The following GALNT9 variants were observed in gnomAD, a reference collection of about 807,000 sequenced individuals.
GALNT9 encodes polypeptide N-acetylgalactosaminyltransferase 9.
GALNT9 carries 47 observed loss-of-function variants against 63.1 expected under a neutral mutation model. That is an observed-to-expected ratio of 0.75 (90% CI 0.59 to 0.95). The LOEUF (loss-of-function observed/expected upper bound fraction) is 0.95, where lower values mean the gene tolerates loss of function less well. Ranked by LOEUF, GALNT9 falls within the 40% of genes least tolerant of loss-of-function variation. The probability of loss-of-function intolerance (pLI) is 0.00; values close to 1 mark genes in which losing one functional copy is unlikely to be tolerated. For synonymous variants in GALNT9, 396 were observed against 365.7 expected, an observed-to-expected ratio of 1.08 and a Z score of -0.94; for missense variants, 829 against 874.8, an observed-to-expected ratio of 0.95 and a Z score of 0.66.
chr12:132,311,272 A>G (rs925739832), intron 1 of GALNT9, among the ~76,000 whole-genome samples: 10 of 152,166 alleles, frequency 6.6e-5, no homozygotes, highest in Admixed American at 2.0e-4. Context: ...AGAGGTGCCA[A>G]ATAGAAAACT....
At chr12:132,240,569 T>C (rs1555236851) in intron 6 of GALNT9, 2 of 449,850 alleles carry the variant, frequency 4.4e-6, no homozygotes, top group Non-Finnish European at 8.9e-6. Context: ...GTGGGCTCCG[T>C]GCGTGGCCCC....
At chr12:132,202,993 C>A (rs1451431554) in intron 7 of GALNT9, among the ~76,000 whole-genome samples, 1 of 152,164 alleles carries the variant, frequency 6.6e-6, no homozygotes, top group Non-Finnish European at 1.5e-5. Context: ...CACGAGGGGC[C>A]CTTTCACACT....
chr12:132,328,244 G>A (rs1199904138), intron 1 of GALNT9, among the ~76,000 whole-genome samples: 40 of 152,104 alleles, frequency 2.6e-4, no homozygotes, highest in Non-Finnish European at 3.2e-4. Flanking sequence ...ACGTCCGCTC[G>A]TGATGAAACA....
chr12:132,241,267 C>T (rs2136901102), intron 6 of GALNT9, among the ~76,000 whole-genome samples: 17 of 22,782 alleles, frequency 7.5e-4, no homozygotes, highest in Admixed American at 2.1e-3. Flanking sequence ...ACCCCCTTCC[C>T]GGGGCCCTCC....
At position 132,329,251 on chromosome 12, in the gene GALNT9, C is replaced by G; in HGVS notation, c.-48G>C. 1 of 1,519,398 alleles carries G rather than the reference C, an allele frequency of 6.6e-7. No homozygotes were observed. The highest frequency in any genetic ancestry group is 8.9e-7 in the Non-Finnish European group (1 of 1,128,332). The allele number at this position is 1,519,398 out of a possible 1,614,324, so 94.1% of individuals were successfully genotyped here. On this transcript the variant is annotated 5_prime_UTR_variant, in exon 1 of 11. Transcript: ENST00000328957. ...TCACCCGCGGGGCATCCCCAGCATC[C>G]CCGCCCGGGCCTGGGCTTCAGCTTC...
In GALNT9 at chr12:132,228,411, C is replaced by T. The variant is rs994816497; in HGVS notation, c.1077+19499G>A. 4.7e-4 allele frequency among the ~76,000 whole-genome samples: 58 copies of T among 122,624 alleles called. 1 individual carries two copies. Among genetic ancestry groups the T allele is most frequent in the Non-Finnish European group, 7.5e-4 (42 of 55,736 alleles). 80.4% of individuals were successfully genotyped at this position (122,624 alleles called of 152,430 possible). A position where few individuals can be genotyped will look rare whatever the true frequency, so the allele number is the denominator to read the frequency against. Reference sequence around the variant, plus strand: ...TTGCCTCTGGCGAGGCAGGGCGGCCCGTCAGCACCTCCTCGCTCCCTCCCC... The same window carrying T: ...TTGCCTCTGGCGAGGCAGGGCGGCCTGTCAGCACCTCCTCGCTCCCTCCCC... On this transcript the variant is annotated intron_variant, in intron 6 of 10. Coordinates refer to ENST00000328957, the MANE Select transcript of GALNT9 (RefSeq NM_001122636.2).
rs1406535301 is a variant in GALNT9 at position 132,265,809 on chromosome 12, C to G, written c.420-3184G>C. Among the ~76,000 whole-genome samples the G allele has an allele frequency of 2.0e-5, 3 of 152,252 alleles. No homozygotes were observed. In the East Asian group the frequency reaches 5.8e-4, roughly 29 times the overall value. ...GGGCTTCTCCAGGACACTGTACACA[C>G]AGTTACACTCCAAGTTCAGCTCATT... On this transcript the variant is annotated intron_variant, in intron 2 of 10. Transcript: ENST00000328957. This position sits in a 1 kb window ranked among gnomAD's most constrained non-coding sequence, Gnocchi z 5.3.
chr12:132,209,591 A>G (rs1467926838), intron 6 of GALNT9, among the ~76,000 whole-genome samples: 2 of 152,052 alleles, frequency 1.3e-5, no homozygotes, highest in Non-Finnish European at 2.9e-5. Flanking sequence ...GCCAAGTCCC[A>G]CCAAAACCAA....
chr12:132,269,652 A>ATT (rs1407705109), intron 2 of GALNT9, among the ~76,000 whole-genome samples: 7 of 152,218 alleles, frequency 4.6e-5, no homozygotes, highest in Non-Finnish European at 1.5e-5. Flanking sequence ...GAAAGCAGGA[A>ATT]TTTGGCTCCA....
intron 2 of GALNT9, chr12:132,275,410 T>C (rs1208247029): frequency 6.6e-6 from 1 of 152,308 alleles, no homozygotes; most frequent in East Asian, 1.9e-4. Flanking sequence ...CTGGAGTGGC[T>C]GCAGCCTCTT....
chr12:132,229,739 C>T (rs1877824469), intron 6 of GALNT9, among the ~76,000 whole-genome samples: 2 of 152,258 alleles, frequency 1.3e-5, no homozygotes, highest in African/African-American at 4.8e-5. Context: ...ATCATGGTCA[C>T]CGGCATCTGT....
rs1208745198 is a variant in GALNT9 at position 132,226,849 on chromosome 12, AC to A, written c.1077+21060del. Among the ~76,000 whole-genome samples the A allele has an allele frequency of 1.4e-3, 198 of 138,216 alleles. 1 individual carries two copies. Among genetic ancestry groups the A allele is most frequent in the African/African-American group, 5.4e-3 (194 of 36,232 alleles). The allele number at this position is 138,216 out of a possible 152,430, so 90.7% of individuals were successfully genotyped here. On this transcript the variant is annotated intron_variant, in intron 6 of 10. Transcript: ENST00000328957. ...CACACCCCACACACACCATATACACACCCCATACACTGTACATACACACCCC... is the reference window on the plus strand; with the variant it reads ...CACACCCCACACACACCATATACACACCCATACACTGTACATACACACCCC...
At chr12:132,295,119 C>A (rs926472902) in intron 1 of GALNT9, among the ~76,000 whole-genome samples, 1 of 152,228 alleles carries the variant, frequency 6.6e-6, no homozygotes, top group African/African-American at 2.4e-5. Flanking sequence ...CAGGAGCGGC[C>A]GGTGCTGCCA....
chr12:132,198,642 G>A (rs1478205489), intron 9 of GALNT9, among the ~76,000 whole-genome samples: 2 of 152,142 alleles, frequency 1.3e-5, no homozygotes, highest in South Asian at 2.1e-4. Context: ...CAGCCCATCT[G>A]ACCCCAAAGG....
chr12:132,309,030 G>T (rs28429645), intron 1 of GALNT9, among the ~76,000 whole-genome samples: 119,511 of 151,926 alleles, frequency 0.79, 47,224 homozygotes, highest in East Asian at 1. Context: ...AACCAGGGAG[G>T]TTCCTAGAGC....
rs1880588650 is a variant in GALNT9, at chr12:132,286,311, T to C, written c.358A>G (p.Asn120Asp). The change falls in exon 2 of 11, where the codon AAC (asparagine) becomes GAC (aspartate). Residue 120 changes from asparagine to aspartate, a missense_variant. By Grantham distance (23) the Asn-to-Asp change is conservative. Coordinates refer to ENST00000328957, the MANE Select transcript of GALNT9 (RefSeq NM_001122636.2). The surrounding 1 kb of genome is among the most constrained non-coding windows in gnomAD (Gnocchi z 7.4). Reference protein sequence around the residue: ...AEGKYEEYGYNAQLSDRISLD... With the variant: ...AEGKYEEYGYDAQLSDRISLD... ...GAGATGCGGTCGCTGAGCTGAGCGT[T>C]GTAGCCGTACTCCTCATACTTGCCT... 6.4e-7 allele frequency: 1 copy of C among 1,551,092 alleles called. No individual in the cohort carries two copies. Among genetic ancestry groups the C allele is most frequent in the African/African-American group, 1.4e-5 (1 of 73,024 alleles).
At chr12:132,217,277 C>A (rs1877243121) in intron 6 of GALNT9, among the ~76,000 whole-genome samples, 1 of 146,960 alleles carries the variant, frequency 6.8e-6, no homozygotes, top group Non-Finnish European at 1.5e-5. Flanking sequence ...ACTCATCCAT[C>A]TATCTATCCA....
chr12:132,307,666 T>C (rs1881662396), intron 1 of GALNT9, among the ~76,000 whole-genome samples: 1 of 69,268 alleles, frequency 1.4e-5, no homozygotes, highest in African/African-American at 5.2e-5. Context: ...ACCTCATCTC[T>C]ACTAAAAAAA....
At chr12:132,225,987 C>T (rs1877661907) in intron 6 of GALNT9, among the ~76,000 whole-genome samples, 2 of 144,802 alleles carry the variant, frequency 1.4e-5, no homozygotes, top group Admixed American at 6.8e-5. Context: ...ACACCCCACA[C>T]ACATACACCC....
Sources: allele counts gnomAD v4.1 joint callset (sites outside exome capture counted in the v4.1 genomes callset), GRCh38; gene constraint gnomAD v4.1.1; non-coding constraint Gnocchi (gnomAD v3.1); transcripts MANE v1.5; gene names NCBI Gene and HGNC (gene_info 2026-07-23, HGNC 2026-07-21).